The following ALK variants were observed in gnomAD, a reference collection of about 807,000 sequenced individuals.
ALK encodes ALK tyrosine kinase receptor.
A neutral mutation model predicts 163.1 loss-of-function variants in ALK; 74 were observed. The observed-to-expected ratio is 0.45, with a 90% CI of 0.38 to 0.55. The LOEUF is 0.55. Among genes scored for constraint, ALK ranks in the 20% least tolerant of loss-of-function variants. The pLI, the probability that ALK is intolerant of heterozygous loss-of-function variation, is 0.00. For synonymous variants in ALK, 960 were observed against 843.2 expected, an observed-to-expected ratio of 1.14 and a Z score of -2.40; for missense variants, 2,063 against 2,105.3, an observed-to-expected ratio of 0.98 and a Z score of 0.39.
intron 3 of ALK, among the ~76,000 whole-genome samples, chr2:29,634,746 T>C (rs1676474547): frequency 6.6e-6 from 1 of 152,160 alleles, no homozygotes; most frequent in South Asian, 2.1e-4. Flanking sequence ...CTATTCAATA[T>C]AGTACTGGAA....
chr2:29,547,551 C>T (rs905634629), intron 3 of ALK, among the ~76,000 whole-genome samples: 2 of 152,140 alleles, frequency 1.3e-5, no homozygotes, highest in African/African-American at 2.4e-5. Flanking sequence ...GAGCAGAGAT[C>T]GTGCCACTGC....
chr2:29,258,731 A>G (rs1267930947), intron 11 of ALK, among the ~76,000 whole-genome samples: 2 of 152,252 alleles, frequency 1.3e-5, no homozygotes, highest in African/African-American at 4.8e-5. Flanking sequence ...TCCTTTTGAC[A>G]TGACGCTAGT....
intron 1 of ALK, among the ~76,000 whole-genome samples, chr2:29,762,948 G>A (rs113694904): frequency 1.2e-4 from 19 of 152,136 alleles, no homozygotes; most frequent in Middle Eastern, 6.8e-3. Context: ...TTAGCTGAGC[G>A]TGGTGATGTA....
chr2:29,680,197 A>C (rs1245246427), intron 3 of ALK, among the ~76,000 whole-genome samples: 1 of 152,008 alleles, frequency 6.6e-6, no homozygotes, highest in Non-Finnish European at 1.5e-5. Flanking sequence ...TTTCTGAGGC[A>C]CTTGGATGTG....
At chr2:29,426,140 T>A (rs1670130123) in intron 4 of ALK, among the ~76,000 whole-genome samples, 1 of 152,122 alleles carries the variant, frequency 6.6e-6, no homozygotes, top group South Asian at 2.1e-4. Flanking sequence ...TTAACAGAGA[T>A]CAGGGAAATA....
chr2:29,488,701 G>A (rs370357646), intron 4 of ALK, among the ~76,000 whole-genome samples: 10 of 152,196 alleles, frequency 6.6e-5, no homozygotes, highest in South Asian at 4.2e-4. Context: ...CTCAGTCCCA[G>A]TGGAACTCCA....
intron 4 of ALK, among the ~76,000 whole-genome samples, chr2:29,426,983 G>A (rs949644180): frequency 2.5e-5 from 3 of 119,234 alleles, no homozygotes. Flanking sequence ...AGGTTTCAGT[G>A]AGCCAAGATC....
At chr2:29,622,098 C>G (rs138754781) in intron 3 of ALK, among the ~76,000 whole-genome samples, 2 of 152,082 alleles carry the variant, frequency 1.3e-5, no homozygotes, top group Non-Finnish European at 2.9e-5. Flanking sequence ...ACACCCATAC[C>G]GCTAAATTAA....
intron 8 of ALK, among the ~76,000 whole-genome samples, chr2:29,303,372 TA>T (rs1211373303): frequency 1.3e-5 from 2 of 151,522 alleles, no homozygotes; most frequent in Non-Finnish European, 2.9e-5. Flanking sequence ...TATTAAAAGG[TA>T]AAAAAAGAAA....
intron 1 of ALK, among the ~76,000 whole-genome samples, chr2:29,778,486 T>G (rs1681240375): frequency 6.6e-6 from 1 of 152,112 alleles, no homozygotes; most frequent in Non-Finnish European, 1.5e-5. Flanking sequence ...TCCTAGATGG[T>G]TCAGGTTGGC....
chr2:29,852,832 TTCTCTCTCTCTCTC>T (rs56348355), intron 1 of ALK, among the ~76,000 whole-genome samples: 22,153 of 148,532 alleles, frequency 0.15, 1,832 homozygotes, highest in Middle Eastern at 0.27. Flanking sequence ...GACCAGAGCT[TTCTCTCTCTCTCTC>T]TCTCTCTCTC....
intron 6 of ALK, among the ~76,000 whole-genome samples, chr2:29,323,233 A>G (rs2148253307): frequency 6.6e-6 from 1 of 152,260 alleles, no homozygotes; most frequent in Middle Eastern, 3.4e-3. Flanking sequence ...AGAGGTGCAA[A>G]TGTAAAGTGG....
chr2:29,321,725 G>A (rs1415510090), intron 6 of ALK, among the ~76,000 whole-genome samples: 1 of 152,144 alleles, frequency 6.6e-6, no homozygotes, highest in Non-Finnish European at 1.5e-5. Flanking sequence ...TCATTGGACG[G>A]GTACTGTAAA....
rs143995319 is a variant in ALK, at chr2:29,558,907, G to A, written c.953-26791C>T. On this transcript the variant is annotated intron_variant, in intron 3 of 28. Coordinates refer to ENST00000389048, the MANE Select transcript of ALK (RefSeq NM_004304.5). ...AAAGGGACTATAGGGGTTTAGAAAT[G>A]TGAAATAATCTATCAATTATTTTAA... 8.2e-3 allele frequency among the ~76,000 whole-genome samples: 1,249 copies of A among 152,266 alleles called. 10 individuals are homozygous for A. The highest frequency in any genetic ancestry group is 0.014 in the Non-Finnish European group (941 of 68,008).
Position 29,916,914 on chromosome 2 carries a change from C to T in ALK, c.667+3079G>A, listed in dbSNP as rs539682977. Among the ~76,000 whole-genome samples the T allele has an allele frequency of 2.0e-4, 31 of 152,316 alleles. No individual in the cohort carries two copies. The South Asian group carries it at 5.4e-3, about 26-fold the overall frequency. ...CCATTAATACAGTCCCAGAAACTGC[C>T]TCTTCACCTCTTCTCCATGAATGGG... On this transcript the variant is annotated intron_variant, in intron 1 of 28. Transcript: ENST00000389048.
intron 3 of ALK, among the ~76,000 whole-genome samples, chr2:29,553,121 T>C (rs929975922): frequency 6.6e-6 from 1 of 152,238 alleles, no homozygotes; most frequent in African/African-American, 2.4e-5. Flanking sequence ...AAACTCATGT[T>C]GAAACTTTAT....
chr2:29,215,268 TGGGGTCTGGGTGCAGGC>T (rs1669571470), intron 23 of ALK, among the ~76,000 whole-genome samples: 1 of 152,172 alleles, frequency 6.6e-6, no homozygotes, highest in East Asian at 1.9e-4. Flanking sequence ...TGGAACCAGG[TGGGGTCTGGGTGCAGGC>T]TTAGCCTGCT....
At chr2:29,570,310 G>A (rs1573464687) in intron 3 of ALK, among the ~76,000 whole-genome samples, 1 of 152,190 alleles carries the variant, frequency 6.6e-6, no homozygotes, top group African/African-American at 2.4e-5. Flanking sequence ...GGAAGATGAT[G>A]TTTTAGGAAA....
At chr2:29,284,516 A>T (rs1287769161) in intron 9 of ALK, among the ~76,000 whole-genome samples, 2 of 152,144 alleles carry the variant, frequency 1.3e-5, no homozygotes, top group Non-Finnish European at 2.9e-5. Context: ...TTACCAAGAA[A>T]ATCTTGAGCA....
Sources: allele counts gnomAD v4.1 joint callset (sites outside exome capture counted in the v4.1 genomes callset), GRCh38; gene constraint gnomAD v4.1.1; transcripts MANE v1.5; gene names NCBI Gene and HGNC (gene_info 2026-07-23, HGNC 2026-07-21).